STT3B: variants seen among roughly 807,000 people sequenced by gnomAD.
STT3B encodes the protein STT3 oligosaccharyltransferase complex catalytic subunit B.
In STT3B, 29 loss-of-function variants were observed where a neutral mutation model predicts 96.8. The ratio of observed to expected loss-of-function variants is 0.30; its 90% CI spans 0.22 to 0.41. The LOEUF (loss-of-function observed/expected upper bound fraction) is 0.41. Among genes scored for constraint, STT3B ranks in the 10% least tolerant of loss-of-function variants. The probability of loss-of-function intolerance (pLI) is 1.00; values close to 1 mark genes in which losing one functional copy is unlikely to be tolerated. For missense variants in STT3B, 640 were observed against 1,022.3 expected (o/e 0.63, Z 5.10); for synonymous variants, 367 against 360.0 (o/e 1.02, Z -0.22).
intron 4 of STT3B, among the ~76,000 whole-genome samples, chr3:31,597,858 CAG>C (rs1301038839): frequency 7.0e-6 from 1 of 143,350 alleles, no homozygotes; most frequent in Non-Finnish European, 1.5e-5. Context: ...TTTTTTGAGA[CAG>C]AGTCTGGCTC....
intron 5 of STT3B, among the ~76,000 whole-genome samples, chr3:31,613,019 A>T (rs575743880): frequency 6.6e-6 from 1 of 152,298 alleles, no homozygotes. Context: ...CCATACAGAC[A>T]GATGCAGATT....
chr3:31,633,124 A>G lies in STT3B; in HGVS notation c.2377A>G (p.Lys793Glu). The change falls in exon 15 of 16, where the codon AAA becomes GAA. Residue 793 changes from lysine to glutamate, a missense_variant. Lys to Glu is a moderately conservative substitution (Grantham distance 56). This residue lies in a region of STT3B where 51 missense variants were observed against 64.2 expected (regional missense o/e 0.79). Coordinates refer to ENST00000295770, the MANE Select transcript of STT3B (RefSeq NM_178862.3). ...HKPRVTNIFP[K>E]QKYLSKKTTK... ...ACCTCGAGTCACCAACATTTTCCCA[A>G]AACAGAAGTATTTGTCAAAGAAGGT... The G allele has an allele frequency of 6.2e-7, 1 of 1,613,910 alleles. No homozygotes were observed. The highest frequency in any genetic ancestry group is 2.2e-5 in the East Asian group (1 of 44,844).
intron 3 of STT3B, among the ~76,000 whole-genome samples, chr3:31,593,046 A>G (rs1698700666): frequency 6.6e-6 from 1 of 152,094 alleles, no homozygotes; most frequent in Non-Finnish European, 1.5e-5. Flanking sequence ...CTCACATCAG[A>G]TTGATTCTGC....
chr3:31,552,757 G>T (rs1312970797), intron 1 of STT3B, among the ~76,000 whole-genome samples: 1 of 152,068 alleles, frequency 6.6e-6, no homozygotes. Context: ...GGACAGGTCC[G>T]TCCTGTTTGC....
At chr3:31,556,971 T>A (rs1697729965) in intron 1 of STT3B, among the ~76,000 whole-genome samples, 1 of 152,226 alleles carries the variant, frequency 6.6e-6, no homozygotes, top group Non-Finnish European at 1.5e-5. Flanking sequence ...TTGACCATTA[T>A]CCTAAAGTGG....
chr3:31,592,619 G>T (rs1296279372), intron 3 of STT3B, among the ~76,000 whole-genome samples: 1 of 152,044 alleles, frequency 6.6e-6, no homozygotes, highest in Admixed American at 6.6e-5. Context: ...TCTTTTGATA[G>T]TAGTCATCCT....
chr3:31,565,024 C>T (rs1032452869), intron 1 of STT3B, among the ~76,000 whole-genome samples: 9 of 152,280 alleles, frequency 5.9e-5, no homozygotes, highest in South Asian at 2.1e-4. Flanking sequence ...AAACAATAGG[C>T]TTAACCTTTT....
In STT3B at chr3:31,600,457, T is replaced by C; in HGVS notation, c.875T>C (p.Ile292Thr). The change falls in exon 5 of 16, where the codon ATA (isoleucine) becomes ACA (threonine). Residue 292 changes from isoleucine to threonine, a missense_variant and splice_region_variant. By Grantham distance (89) the Ile-to-Thr change is moderately conservative. Coordinates refer to ENST00000295770, the MANE Select transcript of STT3B (RefSeq NM_178862.3). ...LMQRYSKRVY[I>T]AYSTFYIVGL... Reference sequence around the variant, plus strand: ...CAGAGATACAGCAAAAGAGTCTACATAGGTAAGTAATTTGATTTTTGACAT... The same window carrying C: ...CAGAGATACAGCAAAAGAGTCTACACAGGTAAGTAATTTGATTTTTGACAT... The C allele has an allele frequency of 1.4e-6, 2 of 1,469,164 alleles. No individual in the cohort carries two copies. The highest frequency in any genetic ancestry group is 1.8e-4 in the Middle Eastern group (1 of 5,692). The allele number at this position is 1,469,164 out of a possible 1,614,324, so 91.0% of individuals were successfully genotyped here.
Position 31,636,147 on chromosome 3 carries a change from C to A in STT3B, c.*83C>A. 4 of 1,079,090 alleles carry A rather than the reference C, an allele frequency of 3.7e-6. No homozygotes were observed. The highest frequency in any genetic ancestry group is 1.8e-5 in the South Asian group (1 of 56,824). 66.8% of individuals were successfully genotyped at this position (1,079,090 alleles called of 1,614,324 possible). A position where few individuals can be genotyped will look rare whatever the true frequency, so the allele number is the denominator to read the frequency against. On this transcript the variant is annotated 3_prime_UTR_variant, in exon 16 of 16. Transcript: ENST00000295770. The stretch of plus-strand genomic sequence containing the variant: ...CTTTAGCTCATGTCGTGTTTCACAG[C>A]AAAGAGGGTACAGAACCATCACTGG...
chr3:31,635,476 A>G (rs1699738640), intron 15 of STT3B, among the ~76,000 whole-genome samples: 1 of 152,180 alleles, frequency 6.6e-6, no homozygotes, highest in Non-Finnish European at 1.5e-5. Flanking sequence ...TTCCTACCTA[A>G]AGGATTATTT....
At chr3:31,635,962 T>C in intron 15 of STT3B, 22 bp from the exon 16 acceptor site, 3 of 1,569,330 alleles carry the variant, frequency 1.9e-6, no homozygotes, top group Non-Finnish European at 2.6e-6. Context: ...GCATTAATAC[T>C]ATGTGTTTTG....
At chr3:31,619,335 A>C (rs1699380014) in intron 8 of STT3B, among the ~76,000 whole-genome samples, 1 of 152,214 alleles carries the variant, frequency 6.6e-6, no homozygotes. Flanking sequence ...TAATTCCAAA[A>C]GGTAATGAGA....
At chr3:31,601,019 A>G (rs544277764) in intron 5 of STT3B, among the ~76,000 whole-genome samples, 2 of 152,278 alleles carry the variant, frequency 1.3e-5, no homozygotes, top group South Asian at 4.1e-4. Flanking sequence ...CTAGAGAGCA[A>G]TTGTGAACTG....
At chr3:31,533,481 T>C in intron 1 of STT3B, 169 bp downstream of exon 1, 1 of 835,932 alleles carries the variant, frequency 1.2e-6, no homozygotes, top group Non-Finnish European at 1.6e-6. Flanking sequence ...CCCCTGCCCG[T>C]GGGCGAAGTT....
In STT3B at chr3:31,545,879, A is replaced by G. The variant is rs537920554; in HGVS notation, c.314+12567A>G. ...TGTATTTTATGTGTGGCCTAAGGCA[A>G]TTCTTCTTCCACTGTGGCCCAGGGA... On this transcript the variant is annotated intron_variant, in intron 1 of 15. Transcript: ENST00000295770. 3.3e-5 allele frequency among the ~76,000 whole-genome samples: 5 copies of G among 150,556 alleles called. No individual in the cohort carries two copies. In the East Asian group the frequency reaches 9.8e-4, roughly 29 times the overall value.
intron 1 of STT3B, among the ~76,000 whole-genome samples, chr3:31,553,119 ACC>A (rs1697612079): frequency 2.0e-5 from 3 of 151,380 alleles, no homozygotes; most frequent in African/African-American, 7.3e-5. Flanking sequence ...AAAAAAAAAA[ACC>A]AAATAAAACT....
chr3:31,577,400 CAA>C (rs943482193), intron 2 of STT3B, among the ~76,000 whole-genome samples: 36 of 152,170 alleles, frequency 2.4e-4, no homozygotes, highest in African/African-American at 8.4e-4. Context: ...TCATTTAAAA[CAA>C]AATGTATCTT....
intron 11 of STT3B, 151 bp from the exon 12 acceptor site, chr3:31,624,763 A>C: frequency 1.9e-6 from 1 of 536,080 alleles, no homozygotes. Flanking sequence ...TCATTGTTTC[A>C]CTTTTTTTTT....
chr3:31,571,451 G>C (rs1698133604), intron 1 of STT3B, among the ~76,000 whole-genome samples: 1 of 152,006 alleles, frequency 6.6e-6, no homozygotes, highest in Non-Finnish European at 1.5e-5. Flanking sequence ...CACAACCCTT[G>C]CACAATTCTC....
Sources: gnomAD v4.1 joint callset for allele counts (sites outside exome capture counted in the v4.1 genomes callset) on GRCh38, gnomAD v4.1.1 for gene constraint, gnomAD v4.1.1 regional missense constraint, MANE v1.5 for transcripts, NCBI Gene and HGNC (gene_info 2026-07-23, HGNC 2026-07-21) for gene names.